Variants in GRM7 observed in about 807,000 individuals in gnomAD.
GRM7 encodes the protein metabotropic glutamate receptor 7.
A neutral mutation model predicts 84.5 loss-of-function variants in GRM7; 35 were observed. That is an observed-to-expected ratio of 0.41 (90% CI 0.32 to 0.55). The LOEUF (loss-of-function observed/expected upper bound fraction) is 0.55, where lower values mean the gene tolerates loss of function less well. Among genes scored for constraint, GRM7 ranks in the 20% least tolerant of loss-of-function variants. The probability of loss-of-function intolerance (pLI) is 0.19; values close to 1 mark genes in which losing one functional copy is unlikely to be tolerated. For missense variants in GRM7, 1,003 were observed against 1,194.6 expected (o/e 0.84, Z 2.36); for synonymous variants, 487 against 455.1 (o/e 1.07, Z -0.89).
At chr3:7,288,869 A>C (rs186109658) in intron 2 of GRM7, among the ~76,000 whole-genome samples, 2 of 152,276 alleles carry the variant, frequency 1.3e-5, no homozygotes, top group East Asian at 3.9e-4. Context: ...AATAGCGTAT[A>C]TATATGCCTG....
chr3:6,948,876 A>T (rs1698195496), intron 1 of GRM7, among the ~76,000 whole-genome samples: 1 of 152,026 alleles, frequency 6.6e-6, no homozygotes, highest in African/African-American at 2.4e-5. Flanking sequence ...TAAGATTGCA[A>T]CCCCTGCCTT....
intron 2 of GRM7, among the ~76,000 whole-genome samples, chr3:7,185,367 C>T (rs144425334): frequency 3.9e-4 from 59 of 152,130 alleles, no homozygotes; most frequent in African/African-American, 1.4e-3. Flanking sequence ...ATTATTATGT[C>T]CAGAAGTTCT....
chr3:7,668,048 T>C (rs1699771035), intron 8 of GRM7, among the ~76,000 whole-genome samples: 1 of 152,190 alleles, frequency 6.6e-6, no homozygotes, highest in Non-Finnish European at 1.5e-5. Flanking sequence ...CCACAGGCTC[T>C]ATAGGAGTTA....
At chr3:6,989,307 A>G (rs1575104599) in intron 1 of GRM7, among the ~76,000 whole-genome samples, 2 of 152,354 alleles carry the variant, frequency 1.3e-5, no homozygotes, top group South Asian at 2.1e-4. Context: ...AACACAGATC[A>G]ACAAAGAATA....
intron 1 of GRM7, among the ~76,000 whole-genome samples, chr3:6,992,762 G>A (rs988870547): frequency 6.6e-6 from 1 of 152,144 alleles, no homozygotes; most frequent in African/African-American, 2.4e-5. Flanking sequence ...AACAAGAGTT[G>A]GAGAAAGAGT....
intron 2 of GRM7, among the ~76,000 whole-genome samples, chr3:7,245,978 G>A (rs915592733): frequency 6.6e-6 from 1 of 151,938 alleles, no homozygotes; most frequent in African/African-American, 2.4e-5. Context: ...AAAAATTTCA[G>A]AACATTAATT....
chr3:7,637,333 GAT>G (rs1698142005), intron 8 of GRM7, among the ~76,000 whole-genome samples: 1 of 152,162 alleles, frequency 6.6e-6, no homozygotes, highest in African/African-American at 2.4e-5. Context: ...ACTCCTGAAA[GAT>G]GTGTATTAGA....
intron 2 of GRM7, among the ~76,000 whole-genome samples, chr3:7,264,907 G>C (rs891511013): frequency 1.3e-5 from 2 of 152,170 alleles, no homozygotes; most frequent in Non-Finnish European, 2.9e-5. Flanking sequence ...AGAGTTGAGA[G>C]TCAATGAAAG....
At chr3:6,934,870 A>T (rs1323792328) in intron 1 of GRM7, among the ~76,000 whole-genome samples, 1 of 152,196 alleles carries the variant, frequency 6.6e-6, no homozygotes, top group Non-Finnish European at 1.5e-5. Flanking sequence ...AAAAAAAAGA[A>T]TATTGGAAGA....
intron 8 of GRM7, among the ~76,000 whole-genome samples, chr3:7,616,158 C>T (rs1166208395): frequency 6.6e-6 from 1 of 152,052 alleles, no homozygotes; most frequent in Non-Finnish European, 1.5e-5. Flanking sequence ...AAACAAGTTT[C>T]CTTTCCAAGT....
At chr3:7,539,569 A>G (rs1692752409) in intron 7 of GRM7, among the ~76,000 whole-genome samples, 1 of 151,246 alleles carries the variant, frequency 6.6e-6, no homozygotes, top group Non-Finnish European at 1.5e-5. Flanking sequence ...CCAGCTACTC[A>G]GGAAGCTGAG....
intron 9 of GRM7, among the ~76,000 whole-genome samples, chr3:7,712,897 T>C (rs1701631949): frequency 6.6e-6 from 1 of 152,068 alleles, no homozygotes; most frequent in African/African-American, 2.4e-5. Context: ...ATTCTTGACT[T>C]GTAGCTCCAT....
At chr3:7,438,451 A>G (rs1697148744) in intron 5 of GRM7, among the ~76,000 whole-genome samples, 1 of 152,022 alleles carries the variant, frequency 6.6e-6, no homozygotes, top group Admixed American at 6.6e-5. Flanking sequence ...TGGCTCATTC[A>G]AAAGGAATTA....
intron 5 of GRM7, among the ~76,000 whole-genome samples, chr3:7,426,298 T>C (rs1249411535): frequency 1.3e-5 from 2 of 152,190 alleles, no homozygotes; most frequent in East Asian, 3.9e-4. Flanking sequence ...TTTGTATTTT[T>C]AGTAGAGACA....
intron 4 of GRM7, among the ~76,000 whole-genome samples, chr3:7,340,533 A>C (rs185233716): frequency 6.2e-4 from 94 of 152,220 alleles, no homozygotes; most frequent in African/African-American, 2.1e-3. Context: ...ACCTCCCACC[A>C]GGTCTCTCCT....
At chr3:7,587,913 C>T (rs1445337441) in intron 8 of GRM7, among the ~76,000 whole-genome samples, 3 of 152,036 alleles carry the variant, frequency 2.0e-5, no homozygotes, top group Non-Finnish European at 4.4e-5. Flanking sequence ...GCCAGTGAAC[C>T]CCTTATACCA....
chr3:7,237,694 T>G (rs888619207), intron 2 of GRM7, among the ~76,000 whole-genome samples: 9 of 152,086 alleles, frequency 5.9e-5, no homozygotes, highest in African/African-American at 2.2e-4. Flanking sequence ...CAAGATTTAT[T>G]GTGAAGAGTG....
At chr3:7,028,280 T>A (rs935903986) in intron 1 of GRM7, among the ~76,000 whole-genome samples, 1 of 152,246 alleles carries the variant, frequency 6.6e-6, no homozygotes, top group Non-Finnish European at 1.5e-5. Flanking sequence ...AATGAGTTTG[T>A]AAGCATCTTG....
chr3:7,259,119 T>C (rs1325728878), intron 2 of GRM7, among the ~76,000 whole-genome samples: 1 of 152,182 alleles, frequency 6.6e-6, no homozygotes, highest in Non-Finnish European at 1.5e-5. Flanking sequence ...TTGGAATCTC[T>C]TTTCTATCCA....
Sources: allele counts gnomAD v4.1 joint callset (sites outside exome capture counted in the v4.1 genomes callset), GRCh38; gene constraint gnomAD v4.1.1; transcripts MANE v1.5; gene names NCBI Gene and HGNC (gene_info 2026-07-23, HGNC 2026-07-21).